CCSER1: variants seen among roughly 807,000 people sequenced by gnomAD.
The protein encoded by CCSER1 is serine-rich coiled-coil domain-containing protein 1.
Under a neutral mutation model 82.0 loss-of-function variants are expected in CCSER1, and 41 were observed. The ratio of observed to expected loss-of-function variants is 0.50; its 90% CI spans 0.39 to 0.65. CCSER1 has a LOEUF of 0.65. Among genes scored for constraint, CCSER1 ranks in the 30% least tolerant of loss-of-function variants. The probability of loss-of-function intolerance (pLI) is 0.00; values close to 1 mark genes in which losing one functional copy is unlikely to be tolerated. For missense variants in CCSER1, 1,119 were observed against 1,064.2 expected, an observed-to-expected ratio of 1.05 and a Z score of -0.72; for synonymous variants, 414 against 383.9, an observed-to-expected ratio of 1.08 and a Z score of -0.92.
At chr4:90,302,779 G>T (rs1733408125) in intron 1 of CCSER1, among the ~76,000 whole-genome samples, 1 of 151,768 alleles carries the variant, frequency 6.6e-6, no homozygotes. Flanking sequence ...TTCTAGCCTG[G>T]GTGACAGAGC....
chr4:90,592,287 TA>T (rs1184467353), intron 5 of CCSER1, among the ~76,000 whole-genome samples: 6 of 152,348 alleles, frequency 3.9e-5, no homozygotes, highest in Non-Finnish European at 4.4e-5. Context: ...GGCATTAGAA[TA>T]ATTTACCATT....
At chr4:90,601,865 A>T (rs1784078449) in intron 5 of CCSER1, among the ~76,000 whole-genome samples, 1 of 151,816 alleles carries the variant, frequency 6.6e-6, no homozygotes, top group African/African-American at 2.4e-5. Flanking sequence ...TTATTCAGGG[A>T]TTTTTCTATC....
chr4:91,520,188 T>C (rs959082726), intron 10 of CCSER1, among the ~76,000 whole-genome samples: 1 of 152,190 alleles, frequency 6.6e-6, no homozygotes, highest in Admixed American at 6.5e-5. Flanking sequence ...CATGGATATA[T>C]GTTTTTGAGT....
At chr4:90,139,348 T>C (rs1467140164) in intron 1 of CCSER1, among the ~76,000 whole-genome samples, 1 of 152,192 alleles carries the variant, frequency 6.6e-6, no homozygotes, top group African/African-American at 2.4e-5. Context: ...TCTATTTTGG[T>C]CAGAAATTCC....
rs57324632 is a variant in CCSER1, at chr4:91,137,017, T to TC, written c.2217+51023_2217+51024insC. 3.3e-3 allele frequency among the ~76,000 whole-genome samples: 502 copies of TC among 151,838 alleles called. 2 individuals carry two copies. The highest frequency in any genetic ancestry group is 0.012 in the African/African-American group (482 of 41,460). On this transcript the variant is annotated intron_variant, in intron 10 of 10. Transcript: ENST00000509176. ...TAGAAATGTTTATAAAAATTCTTTTTTTTTTTATTATACTTTAAGTTTTAG... is the reference window on the plus strand; with the variant it reads ...TAGAAATGTTTATAAAAATTCTTTTTCTTTTTTATTATACTTTAAGTTTTAG...
intron 8 of CCSER1, among the ~76,000 whole-genome samples, chr4:90,918,762 CACACACACACACACAA>C (rs1191005599): frequency 2.2e-5 from 1 of 45,456 alleles, no homozygotes; most frequent in Non-Finnish European, 3.9e-5. Context: ...GTGTAAAATA[CACACACACACACACAA>C]ACACACACAC....
chr4:91,131,696 A>G (rs1428455666), intron 10 of CCSER1, among the ~76,000 whole-genome samples: 3 of 152,126 alleles, frequency 2.0e-5, no homozygotes, highest in Non-Finnish European at 2.9e-5. Flanking sequence ...ATAAAAAGAA[A>G]CAGATGCAGA....
intron 9 of CCSER1, among the ~76,000 whole-genome samples, chr4:91,058,390 G>A (rs999716945): frequency 6.6e-6 from 1 of 152,042 alleles, no homozygotes; most frequent in Non-Finnish European, 1.5e-5. Context: ...TAAAACCCAT[G>A]TTCTTAAAAT....
At chr4:90,797,857 G>A (rs988804840) in intron 7 of CCSER1, among the ~76,000 whole-genome samples, 1 of 152,182 alleles carries the variant, frequency 6.6e-6, no homozygotes, top group East Asian at 1.9e-4. Context: ...AGCCTGATGG[G>A]CTTCCCTTTG....
intron 10 of CCSER1, among the ~76,000 whole-genome samples, chr4:91,371,927 C>G (rs1231052620): frequency 2.0e-5 from 3 of 152,102 alleles, no homozygotes; most frequent in African/African-American, 4.8e-5. Flanking sequence ...ATAATAAGAT[C>G]AGAACAGACT....
intron 10 of CCSER1, among the ~76,000 whole-genome samples, chr4:91,371,388 T>G (rs1172672124): frequency 1.3e-5 from 2 of 152,068 alleles, no homozygotes; most frequent in East Asian, 3.9e-4. Flanking sequence ...AATTATTAGC[T>G]CCCATAAATG....
chr4:90,250,705 A>T (rs569967989), intron 1 of CCSER1, among the ~76,000 whole-genome samples: 1 of 152,036 alleles, frequency 6.6e-6, no homozygotes, highest in Non-Finnish European at 1.5e-5. Flanking sequence ...CTTCATTTTC[A>T]TATGAAATTT....
chr4:90,838,644 T>C (rs571540079), intron 8 of CCSER1, among the ~76,000 whole-genome samples: 3 of 152,152 alleles, frequency 2.0e-5, no homozygotes, highest in Non-Finnish European at 2.9e-5. Context: ...GATTTCACTG[T>C]TGTCCCACCC....
intron 5 of CCSER1, among the ~76,000 whole-genome samples, chr4:90,625,004 T>C (rs1428123122): frequency 6.6e-6 from 1 of 152,154 alleles, no homozygotes; most frequent in African/African-American, 2.4e-5. Context: ...ATACTCTTTC[T>C]TTTTTTGCCA....
intron 9 of CCSER1, among the ~76,000 whole-genome samples, chr4:91,058,758 AT>A (rs576148615): frequency 5.9e-5 from 9 of 152,124 alleles, no homozygotes; most frequent in South Asian, 2.1e-4. Context: ...TTAAAGTTTG[AT>A]TTTTTTATGT....
intron 5 of CCSER1, among the ~76,000 whole-genome samples, chr4:90,504,687 A>G (rs986529392): frequency 1.3e-5 from 2 of 152,238 alleles, no homozygotes; most frequent in African/African-American, 4.8e-5. Context: ...AGTGTAAAAT[A>G]AAGTGACAAT....
chr4:90,682,630 A>G (rs1308917663), intron 6 of CCSER1, among the ~76,000 whole-genome samples: 3 of 152,034 alleles, frequency 2.0e-5, no homozygotes. Flanking sequence ...AACTCCACTA[A>G]CCAAGGATAA....
At chr4:90,172,793 A>G (rs945922403) in intron 1 of CCSER1, among the ~76,000 whole-genome samples, 1 of 151,864 alleles carries the variant, frequency 6.6e-6, no homozygotes, top group African/African-American at 2.4e-5. Flanking sequence ...GAAATAGTAA[A>G]ATGAAATAGT....
At chr4:90,607,582 C>T (rs1784898073) in intron 5 of CCSER1, among the ~76,000 whole-genome samples, 2 of 152,226 alleles carry the variant, frequency 1.3e-5, no homozygotes, top group Non-Finnish European at 2.9e-5. Flanking sequence ...ACATGGTGTT[C>T]TCCCTGTGTT....
Sources: gnomAD v4.1 joint callset for allele counts (sites outside exome capture counted in the v4.1 genomes callset) on GRCh38, gnomAD v4.1.1 for gene constraint, MANE v1.5 for transcripts, NCBI Gene and HGNC (gene_info 2026-07-23, HGNC 2026-07-21) for gene names.